The following DTNB variants were observed in gnomAD, a reference collection of about 807,000 sequenced individuals.
DTNB encodes the protein DTN-B.
A neutral mutation model predicts 90.7 loss-of-function variants in DTNB; 63 were observed. The ratio of observed to expected loss-of-function variants is 0.69; its 90% CI spans 0.57 to 0.86. The LOEUF (loss-of-function observed/expected upper bound fraction) is 0.86, where lower values mean the gene tolerates loss of function less well. Among genes scored for constraint, DTNB ranks in the 40% least tolerant of loss-of-function variants. DTNB has a pLI of 0.00. For missense variants in DTNB, 744 were observed against 807.1 expected (o/e 0.92, Z 0.95); for synonymous variants, 277 against 286.7 (o/e 0.97, Z 0.34).
intron 16 of DTNB, among the ~76,000 whole-genome samples, chr2:25,389,494 G>A (rs946060310): frequency 1.3e-4 from 20 of 152,384 alleles, no homozygotes; most frequent in African/African-American, 4.3e-4. Flanking sequence ...TGTGGAGAAA[G>A]TTTGGAGCAA....
chr2:25,387,656 A>G lies in DTNB; in HGVS notation c.1736-278T>C, dbSNP rs1022916484. Among the ~76,000 whole-genome samples, 1 of 152,076 alleles carries G rather than the reference A, an allele frequency of 6.6e-6. No individual in the cohort carries two copies. The highest frequency in any genetic ancestry group is 1.5e-5 in the Non-Finnish European group (1 of 67,998). On this transcript the variant is annotated intron_variant, in intron 17 of 20. Coordinates refer to ENST00000406818, the MANE Select transcript of DTNB (RefSeq NM_021907.5). The surrounding 1 kb of genome is among the most constrained non-coding windows in gnomAD (Gnocchi z 4.5). Reference sequence around the variant, plus strand: ...CAATCCAGAGCTGGGTTCCAGAATAAGCATTCCACCGAGGTCTTCCTCAGC... The same window carrying G: ...CAATCCAGAGCTGGGTTCCAGAATAGGCATTCCACCGAGGTCTTCCTCAGC...
intron 4 of DTNB, among the ~76,000 whole-genome samples, chr2:25,610,386 G>A (rs1559223891): frequency 6.6e-6 from 1 of 152,004 alleles, no homozygotes; most frequent in Non-Finnish European, 1.5e-5. Context: ...AAGAGAGAGA[G>A]AGTATATGTG....
Position 25,662,169 on chromosome 2 carries a change from C to CA in DTNB, c.-1-9509dup, listed in dbSNP as rs771372907. 8.6e-3 allele frequency among the ~76,000 whole-genome samples: 1,219 copies of CA among 142,078 alleles called. 5 individuals carry two copies. The highest frequency in any genetic ancestry group is 0.013 in the Non-Finnish European group (815 of 64,242). 93.2% of individuals were successfully genotyped at this position (142,078 alleles called of 152,430 possible). Reference sequence around the variant, plus strand: ...AGACTCCGTCTCAAAAAAAAAAAAACAAAAAAAACAAATGGATGTATCTAA... The same window carrying CA: ...AGACTCCGTCTCAAAAAAAAAAAAACAAAAAAAAACAAATGGATGTATCTAA... On this transcript the variant is annotated intron_variant, in intron 1 of 20. Coordinates refer to ENST00000406818, the MANE Select transcript of DTNB (RefSeq NM_021907.5).
At chr2:25,623,042 T>C (rs964045276) in intron 4 of DTNB, among the ~76,000 whole-genome samples, 17 of 152,096 alleles carry the variant, frequency 1.1e-4, no homozygotes, top group African/African-American at 3.9e-4. Flanking sequence ...TTAAACCATA[T>C]GTGAGGAACA....
chr2:25,477,736 AAC>A (rs764351614), intron 10 of DTNB, among the ~76,000 whole-genome samples: 17 of 152,194 alleles, frequency 1.1e-4, no homozygotes, highest in Non-Finnish European at 2.4e-4. Context: ...TATAATACAT[AAC>A]ACAGTTTTTT....
At chr2:25,470,401 A>T (rs6546204) in intron 10 of DTNB, among the ~76,000 whole-genome samples, 111,183 of 144,390 alleles carry the variant, frequency 0.77, 43,373 homozygotes, top group African/African-American at 0.92. Flanking sequence ...TGAGACAGAG[A>T]CTTGCTCTGT....
rs373630664 is a variant in DTNB at position 25,427,576 on chromosome 2, C to G, written c.1513G>C (p.Glu505Gln). The G allele has an allele frequency of 2.5e-6, 4 of 1,613,698 alleles. No individual in the cohort carries two copies. In the African/African-American group the frequency reaches 4.0e-5, roughly 16 times the overall value. ...RMSALQESRR[E>Q]LMVQLEELMK... is the part of the protein sequence containing the mutation. ...AGCTCTTCCAGCTGGACCATCAGCT[C>G]CCGCCTGCTCTCCTGCAGGGCCGAC... is the stretch of plus-strand genomic sequence containing the variant. Residue 505 changes from glutamate to glutamine, a missense_variant, in exon 15 of 21, where the codon GAG (glutamate) becomes CAG (glutamine). Physicochemically the swap from Glu to Gln is conservative, Grantham distance 29 (BLOSUM62 2). Coordinates refer to ENST00000406818, the MANE Select transcript of DTNB (RefSeq NM_021907.5).
intron 6 of DTNB, among the ~76,000 whole-genome samples, chr2:25,590,022 C>T (rs1573027356): frequency 1.3e-5 from 2 of 152,318 alleles, no homozygotes; most frequent in Admixed American, 1.3e-4. Context: ...CAGCACGGGC[C>T]CTGGCTCTCT....
intron 8 of DTNB, among the ~76,000 whole-genome samples, chr2:25,572,927 G>A (rs571976397): frequency 1.3e-5 from 2 of 152,056 alleles, no homozygotes; most frequent in Non-Finnish European, 2.9e-5. Flanking sequence ...TTGGCTGTAT[G>A]ATAGAATCAC....
At chr2:25,572,549 T>G (rs1389669970) in intron 8 of DTNB, among the ~76,000 whole-genome samples, 2 of 151,820 alleles carry the variant, frequency 1.3e-5, no homozygotes, top group Admixed American at 1.3e-4. Context: ...GTTTCTTCCT[T>G]ATCCGATATC....
intron 16 of DTNB, among the ~76,000 whole-genome samples, chr2:25,418,700 A>G (rs2048576331): frequency 6.7e-6 from 1 of 149,014 alleles, no homozygotes; most frequent in Admixed American, 6.7e-5. Flanking sequence ...CACCGTCTCA[A>G]AAAAAAAAAA....
At chr2:25,445,920 GTTTTTTT>G (rs11453188) in intron 12 of DTNB, among the ~76,000 whole-genome samples, 1 of 137,076 alleles carries the variant, frequency 7.3e-6, no homozygotes, top group African/African-American at 2.7e-5. Context: ...ACCCTGGGTA[GTTTTTTT>G]TTTTTTTTTT....
chr2:25,636,617 TATATAA>T (rs1392283543), intron 3 of DTNB, among the ~76,000 whole-genome samples: 2 of 152,164 alleles, frequency 1.3e-5, no homozygotes, highest in Non-Finnish European at 2.9e-5. Context: ...TATATCTAGA[TATATAA>T]ATATATTTAA....
At chr2:25,574,108 T>C (rs542347448) in intron 8 of DTNB, among the ~76,000 whole-genome samples, 17 of 152,330 alleles carry the variant, frequency 1.1e-4, no homozygotes, top group African/African-American at 3.1e-4. Flanking sequence ...TGGTTCCATT[T>C]AGCTACACGA....
chr2:25,512,093 A>T (rs2074065990), intron 9 of DTNB, among the ~76,000 whole-genome samples: 2 of 152,228 alleles, frequency 1.3e-5, no homozygotes, highest in African/African-American at 4.8e-5. Context: ...AAGGGGAAAA[A>T]GCGAGACAAA....
intron 3 of DTNB, among the ~76,000 whole-genome samples, chr2:25,629,459 T>C (rs890992645): frequency 3.9e-5 from 6 of 152,164 alleles, no homozygotes; most frequent in Non-Finnish European, 7.3e-5. Context: ...CACACTAACG[T>C]ACCACTTACA....
At chr2:25,474,832 T>A (rs2063459806) in intron 10 of DTNB, among the ~76,000 whole-genome samples, 1 of 152,188 alleles carries the variant, frequency 6.6e-6, no homozygotes, top group African/African-American at 2.4e-5. Flanking sequence ...GCTTCAAACT[T>A]CTCCATTATT....
At chr2:25,474,309 G>A (rs1193058781) in intron 10 of DTNB, among the ~76,000 whole-genome samples, 1 of 147,388 alleles carries the variant, frequency 6.8e-6, no homozygotes, top group Non-Finnish European at 1.5e-5. Context: ...AAAAAAAAAC[G>A]CTGGAGAAAA....
At chr2:25,619,857 T>C (rs565754687) in intron 4 of DTNB, among the ~76,000 whole-genome samples, 1 of 152,096 alleles carries the variant, frequency 6.6e-6, no homozygotes, top group Admixed American at 6.6e-5. Flanking sequence ...CTGACCAACA[T>C]GGTGAAACCC....
Sources: gnomAD v4.1 joint callset for allele counts (sites outside exome capture counted in the v4.1 genomes callset) on GRCh38, gnomAD v4.1.1 for gene constraint, Gnocchi (gnomAD v3.1) non-coding constraint, MANE v1.5 for transcripts, NCBI Gene and HGNC (gene_info 2026-07-23, HGNC 2026-07-21) for gene names.